Variants in GNL3L observed in about 807,000 individuals in gnomAD.
The protein encoded by GNL3L is G protein nucleolar 3 like.
In GNL3L, 4 loss-of-function variants were observed where a neutral mutation model predicts 42.9. The observed-to-expected ratio is 0.09, with a 90% CI of 0.05 to 0.21. The LOEUF is 0.21. Ranked by LOEUF, GNL3L falls within the 10% of genes least tolerant of loss-of-function variation. The pLI is 1.00. For synonymous variants in GNL3L, 159 were observed against 176.3 expected (o/e 0.90, Z 0.78); for missense variants, 412 against 481.7 (o/e 0.86, Z 1.36).
Position 54,562,653 on chromosome X carries a change from C to T in GNL3L, c.*2051C>T, listed in dbSNP as rs991813918. On this transcript the variant is annotated 3_prime_UTR_variant, in exon 16 of 16. Transcript: ENST00000360845. ...AAGTAATCTCAGAATGTTGGCCGAG[C>T]ATGGTGGCTCACACCTGTAATCCCA... Among the ~76,000 whole-genome samples the T allele has an allele frequency of 3.6e-5, 4 of 110,961 alleles. No homozygotes were observed. The highest frequency in any genetic ancestry group is 9.8e-5 in the African/African-American group (3 of 30,487).
At chrX:54,613,896 T>C (rs1926192523) in intron 16 of GNL3L, among the ~76,000 whole-genome samples, 1 of 110,396 alleles carries the variant, frequency 9.1e-6, no homozygotes, top group Non-Finnish European at 1.9e-5. Context: ...TTTGTGCTGG[T>C]TGACCTCCTG....
chrX:54,567,385 G>A (rs865858151), downstream of GNL3L, among the ~76,000 whole-genome samples: 9 of 109,986 alleles, frequency 8.2e-5, no homozygotes, highest in African/African-American at 3.0e-4. Context: ...GGTGGCTCAC[G>A]CCTGTAATCC....
rs372179675 is a variant in GNL3L at position 54,561,808 on chromosome X, T to C, written c.*1206T>C. On this transcript the variant is annotated 3_prime_UTR_variant, in exon 16 of 16. Coordinates refer to ENST00000360845, the MANE Select transcript of GNL3L (RefSeq NM_001184819.2). ...CAACTCCTTTTCCAGTGTCTGTAAG[T>C]CACCTCATTAAAGTATAATTAGCTG... is the stretch of plus-strand genomic sequence containing the variant. Among the ~76,000 whole-genome samples the C allele has an allele frequency of 1.8e-5, 2 of 111,413 alleles. No homozygotes were observed. The highest frequency in any genetic ancestry group is 6.5e-5 in the African/African-American group (2 of 30,615).
the GNL3L span, among the ~76,000 whole-genome samples, chrX:54,644,814 C>T: frequency 9.0e-6 from 1 of 111,678 alleles, no homozygotes; most frequent in Admixed American, 9.5e-5. Flanking sequence ...TGCCTATTGA[C>T]ATTTTGACCG....
chrX:54,608,449 C>T (rs1398774665), intron 16 of GNL3L, among the ~76,000 whole-genome samples: 3 of 110,761 alleles, frequency 2.7e-5, no homozygotes, highest in Admixed American at 9.7e-5. Context: ...CTGGTGCACC[C>T]TTCACCCAAG....
At chrX:54,610,163 G>T (rs56121221) in intron 16 of GNL3L, among the ~76,000 whole-genome samples, 13,614 of 111,076 alleles carry the variant, frequency 0.12, 1,267 homozygotes, top group African/African-American at 0.32. Flanking sequence ...GTCGCTCTTG[G>T]TATATAGCAG....
intron 7 of GNL3L, 65 bp downstream of exon 7, chrX:54,543,407 G>C: frequency 9.2e-7 from 1 of 1,091,000 alleles, no homozygotes; most frequent in African/African-American, 1.8e-5. Context: ...CGTCTAGCTT[G>C]GACCAGACAC....
In GNL3L at chrX:54,618,963, T is replaced by G. The variant is rs1316548192; in HGVS notation, c.*46-1882T>G. Among the ~76,000 whole-genome samples, 8 of 111,297 alleles carry G rather than the reference T, an allele frequency of 7.2e-5. No homozygotes were observed. The East Asian group carries it at 2.0e-3, about 28-fold the overall frequency. The stretch of plus-strand genomic sequence containing the variant: ...GCTCAATCTCACTTATAATAAAAAT[T>G]AAAGCACCATGATACCAGTCTTCAC... On this transcript the variant is annotated intron_variant, in intron 16 of 16. Coordinates refer to the GNL3L transcript ENST00000674498.
At chrX:54,596,148 C>T (rs1444740189) in intron 16 of GNL3L, among the ~76,000 whole-genome samples, 1 of 111,905 alleles carries the variant, frequency 8.9e-6, no homozygotes, top group African/African-American at 3.3e-5. Context: ...TGTGTCTGGA[C>T]ATTGAAGAGT....
chrX:54,539,510 G>T (rs2147474881), intron 3 of GNL3L, among the ~76,000 whole-genome samples: 1 of 110,782 alleles, frequency 9.0e-6, no homozygotes, highest in Admixed American at 9.8e-5. Flanking sequence ...GGTAAGTAAG[G>T]CTTGGGAAAG....
chrX:54,613,844 A>G (rs1445903178), intron 16 of GNL3L, among the ~76,000 whole-genome samples: 1 of 109,705 alleles, frequency 9.1e-6, no homozygotes, highest in Non-Finnish European at 1.9e-5. Flanking sequence ...TGTGCAATAG[A>G]TTCTGTGAGG....
At chrX:54,639,936 C>G in the GNL3L span, among the ~76,000 whole-genome samples, 1 of 108,851 alleles carries the variant, frequency 9.2e-6, no homozygotes, top group Non-Finnish European at 1.9e-5. Context: ...AGGGAGGAGT[C>G]TTGGACTCTC....
downstream of GNL3L, among the ~76,000 whole-genome samples, chrX:54,622,313 C>T (rs1331335739): frequency 1.5e-5 from 1 of 68,940 alleles, no homozygotes; most frequent in African/African-American, 6.5e-5. Flanking sequence ...GAGACGGAGT[C>T]TTGCTCCGTC....
At chrX:54,601,588 T>A (rs1359341844) in intron 16 of GNL3L, among the ~76,000 whole-genome samples, 1 of 111,938 alleles carries the variant, frequency 8.9e-6, no homozygotes, top group Non-Finnish European at 1.9e-5. Flanking sequence ...TTTTCAAAAT[T>A]ACCTTTTAAC....
chrX:54,599,438 A>G (rs894272598), intron 16 of GNL3L, among the ~76,000 whole-genome samples: 2 of 110,739 alleles, frequency 1.8e-5, no homozygotes, highest in Non-Finnish European at 3.8e-5. Context: ...CTATCTATCT[A>G]TGAGAAATCT....
intron 11 of GNL3L, 34 bp downstream of exon 11, chrX:54,551,776 T>G (rs1454504970): frequency 4.1e-6 from 5 of 1,207,241 alleles, no homozygotes; most frequent in Non-Finnish European, 5.6e-6. Context: ...TGCCCTGCCC[T>G]ACTCTAAGGG....
At chrX:54,639,116 TTAAAA>T in the GNL3L span, among the ~76,000 whole-genome samples, 1 of 110,969 alleles carries the variant, frequency 9.0e-6, no homozygotes, top group South Asian at 3.8e-4. Flanking sequence ...ATAATGTTTT[TTAAAA>T]TAAAATAGAG....
chrX:54,541,145 C>A lies in GNL3L; in HGVS notation c.190-128C>A, dbSNP rs1296914746. The A allele has an allele frequency of 1.1e-5, 5 of 463,118 alleles. No homozygotes were observed. The East Asian group carries it at 1.8e-4, about 16-fold the overall frequency. 38.2% of individuals were successfully genotyped at this position (463,118 alleles called of 1,213,427 possible). A position where few individuals can be genotyped will look rare whatever the true frequency, so the allele number is the denominator to read the frequency against. ...AAACCCTCATCTCCTGATGTCATAT[C>A]TTCCCTCTCCCTGGACCCTGCTCCT... On this transcript the variant is annotated intron_variant, in intron 4 of 15. Coordinates refer to ENST00000360845, the MANE Select transcript of GNL3L (RefSeq NM_001184819.2).
In GNL3L at chrX:54,566,121, A is replaced by C. The variant is rs1259583760; in HGVS notation, c.*5519A>C. ...CAGGCATGAGCCATTGTGCCTGGCC[A>C]GTATCTTGTCTTCTCATTCTGTAAA... On this transcript the variant is annotated 3_prime_UTR_variant, in exon 16 of 16. Transcript: ENST00000360845. Among the ~76,000 whole-genome samples, 2 of 111,648 alleles carry C rather than the reference A, an allele frequency of 1.8e-5. No homozygotes were observed. The highest frequency in any genetic ancestry group is 1.9e-4 in the Admixed American group (2 of 10,448).
Sources: allele counts gnomAD v4.1 joint callset (sites outside exome capture counted in the v4.1 genomes callset), GRCh38; gene constraint gnomAD v4.1.1; transcripts MANE v1.5; gene names NCBI Gene and HGNC (gene_info 2026-07-23, HGNC 2026-07-21).